Variants in PRIM2 observed in about 807,000 individuals in gnomAD.
The protein encoded by PRIM2 is DNA primase subunit 2.
A neutral mutation model predicts 67.3 loss-of-function variants in PRIM2; 39 were observed. The ratio of observed to expected loss-of-function variants is 0.58; its 90% CI spans 0.45 to 0.76. The LOEUF is 0.76. Among genes scored for constraint, PRIM2 ranks in the 30% least tolerant of loss-of-function variants. The pLI is 0.00. For synonymous variants in PRIM2, 143 were observed against 198.7 expected (o/e 0.72, Z 2.36); for missense variants, 398 against 598.7 (o/e 0.66, Z 3.50).
At chr6:57,415,347 A>T (rs1470601501) in intron 7 of PRIM2, among the ~76,000 whole-genome samples, 1 of 152,254 alleles carries the variant, frequency 6.6e-6, no homozygotes, top group African/African-American at 2.4e-5. Context: ...GCAATAAGGC[A>T]TGCCATATAA....
In PRIM2 at chr6:57,541,971, TG is replaced by T. The variant is rs1169852242; in HGVS notation, c.1020+4348del. On this transcript the variant is annotated intron_variant, in intron 10 of 13. Transcript: ENST00000615550. The stretch of plus-strand genomic sequence containing the variant: ...GAAGAGCTGGGTGGTTGTTGTGTTT[TG>T]GTTTTTTTTTTTTTTTTTTTTGAGA... Among the ~76,000 whole-genome samples, 181 of 140,330 alleles carry T rather than the reference TG, an allele frequency of 1.3e-3. 1 individual carries two copies. The highest frequency in any genetic ancestry group is 4.6e-3 in the African/African-American group (168 of 36,354). 92.1% of individuals were successfully genotyped at this position (140,330 alleles called of 152,430 possible).
chr6:57,269,764 G>C, the PRIM2 span, among the ~76,000 whole-genome samples: 1 of 152,118 alleles, frequency 6.6e-6, no homozygotes, highest in African/African-American at 2.4e-5. Flanking sequence ...ACGGTTTTAG[G>C]TCTAACATGT....
intron 5 of PRIM2, among the ~76,000 whole-genome samples, chr6:57,359,440 C>T (rs1223998783): frequency 1.3e-5 from 2 of 152,242 alleles, no homozygotes; most frequent in South Asian, 2.1e-4. Flanking sequence ...TGTTCACCAG[C>T]TCAGTACCTC....
chr6:57,450,371 A>C (rs111537627), intron 7 of PRIM2, among the ~76,000 whole-genome samples: 1 of 152,202 alleles, frequency 6.6e-6, no homozygotes, highest in African/African-American at 2.4e-5. Flanking sequence ...TAAAGAATTC[A>C]TTGCTTCACT....
At chr6:57,631,723 C>G (rs1371473272) in intron 12 of PRIM2, among the ~76,000 whole-genome samples, 1 of 152,182 alleles carries the variant, frequency 6.6e-6, no homozygotes, top group Non-Finnish European at 1.5e-5. Context: ...AAATAAATAT[C>G]TAAATAGTAT....
intron 5 of PRIM2, among the ~76,000 whole-genome samples, chr6:57,355,107 C>T (rs1349108728): frequency 6.6e-6 from 1 of 152,300 alleles, no homozygotes; most frequent in Non-Finnish European, 1.5e-5. Flanking sequence ...AGTTTGAGAC[C>T]AGCCTTAACA....
chr6:57,269,873 T>C, the PRIM2 span, among the ~76,000 whole-genome samples: 9 of 152,340 alleles, frequency 5.9e-5, no homozygotes, highest in East Asian at 1.5e-3. Context: ...CCCACCACCA[T>C]TTATTAAACA....
At chr6:57,238,486 G>A in the PRIM2 span, among the ~76,000 whole-genome samples, 19 of 152,128 alleles carry the variant, frequency 1.2e-4, no homozygotes, top group Non-Finnish European at 2.2e-4. Flanking sequence ...TGAAATGAAG[G>A]CAGAAATAAA....
chr6:57,605,499 T>G (rs1227868494), intron 11 of PRIM2, among the ~76,000 whole-genome samples: 3 of 152,326 alleles, frequency 2.0e-5, no homozygotes, highest in African/African-American at 7.2e-5. Context: ...TGTTTCAGTC[T>G]TGGAAGGTTG....
intron 7 of PRIM2, among the ~76,000 whole-genome samples, chr6:57,401,867 A>C (rs1770719569): frequency 6.6e-6 from 1 of 152,098 alleles, no homozygotes; most frequent in East Asian, 1.9e-4. Context: ...GCTCAACTGC[A>C]GCTTGTTGGA....
In PRIM2 at chr6:57,510,885, A is replaced by G. The variant is rs1774351222; in HGVS notation, c.761+3431A>G. Among the ~76,000 whole-genome samples, 4 of 152,134 alleles carry G rather than the reference A, an allele frequency of 2.6e-5. No individual in the cohort carries two copies. The South Asian group carries it at 8.3e-4, about 32-fold the overall frequency. On this transcript the variant is annotated intron_variant, in intron 8 of 13. Transcript: ENST00000615550. ...ATTATTTGGCTTGAGAGATTTTAATAATAATTTTGTTAGAAAAAAATTGAT... is the reference window on the plus strand; with the variant it reads ...ATTATTTGGCTTGAGAGATTTTAATGATAATTTTGTTAGAAAAAAATTGAT...
chr6:57,579,543 T>C (rs1776040214), intron 10 of PRIM2, among the ~76,000 whole-genome samples: 1 of 152,164 alleles, frequency 6.6e-6, no homozygotes, highest in Non-Finnish European at 1.5e-5. Flanking sequence ...TGTGACTTTG[T>C]GAAAATAATT....
intron 7 of PRIM2, among the ~76,000 whole-genome samples, chr6:57,390,990 T>C (rs1400970571): frequency 5.3e-5 from 8 of 152,278 alleles, no homozygotes; most frequent in African/African-American, 1.9e-4. Context: ...TGAACTAATT[T>C]ACACTCCCTC....
At chr6:57,519,996 G>C (rs1554348725) in intron 8 of PRIM2, among the ~76,000 whole-genome samples, 2 of 152,200 alleles carry the variant, frequency 1.3e-5, no homozygotes, top group African/African-American at 2.4e-5. Context: ...ACAAAACCAG[G>C]AACAAAACTG....
the PRIM2 span, among the ~76,000 whole-genome samples, chr6:57,237,447 T>C: frequency 2.0e-5 from 3 of 152,218 alleles, no homozygotes; most frequent in African/African-American, 4.8e-5. Flanking sequence ...ATTTTGGCTT[T>C]TGTTGCCATT....
intron 7 of PRIM2, chr6:57,382,895 C>T (rs1770012305): frequency 6.6e-6 from 1 of 152,088 alleles, no homozygotes; most frequent in Non-Finnish European, 1.5e-5. Flanking sequence ...AGCTTTCCTT[C>T]TCAGTTAAAA....
the PRIM2 span, among the ~76,000 whole-genome samples, chr6:57,223,785 A>C: frequency 6.6e-6 from 1 of 152,212 alleles, no homozygotes. Flanking sequence ...ACACTCATTA[A>C]AATGATGATT....
chr6:57,451,734 G>C (rs1772558001), intron 7 of PRIM2, among the ~76,000 whole-genome samples: 1 of 150,630 alleles, frequency 6.6e-6, no homozygotes, highest in Admixed American at 6.6e-5. Context: ...GTGTGTGTGT[G>C]TGTCTGCTTT....
At chr6:57,302,816 A>AT in the PRIM2 span, among the ~76,000 whole-genome samples, 4 of 152,178 alleles carry the variant, frequency 2.6e-5, no homozygotes, top group South Asian at 8.3e-4. Flanking sequence ...GTAATAACTG[A>AT]TTTTTTAAAG....
Sources: allele counts gnomAD v4.1 joint callset (sites outside exome capture counted in the v4.1 genomes callset), GRCh38; gene constraint gnomAD v4.1.1; transcripts MANE v1.5; gene names NCBI Gene and HGNC (gene_info 2026-07-23, HGNC 2026-07-21).